The following TMEM266 variants were observed in gnomAD, a reference collection of about 807,000 sequenced individuals.
TMEM266 encodes Hv1 related protein 1.
In TMEM266, 33 loss-of-function variants were observed where a neutral mutation model predicts 50.5. That is an observed-to-expected ratio of 0.65 (90% confidence interval 0.50 to 0.87). The LOEUF (loss-of-function observed/expected upper bound fraction) is 0.87, where lower values mean the gene tolerates loss of function less well. TMEM266 is among the 40% of genes least tolerant of loss of function. The probability of loss-of-function intolerance (pLI) is 0.00; values close to 1 mark genes in which losing one functional copy is unlikely to be tolerated. For missense variants in TMEM266, 655 were observed against 695.1 expected, an observed-to-expected ratio of 0.94 and a Z score of 0.65; for synonymous variants, 310 against 292.3, an observed-to-expected ratio of 1.06 and a Z score of -0.62.
At chr15:76,170,880 T>G in intron 6 of TMEM266, 113 bp from the exon 7 acceptor site, 2 of 1,343,388 alleles carry the variant, frequency 1.5e-6, no homozygotes, top group Non-Finnish European at 2.0e-6. Flanking sequence ...GGCCTTCTGG[T>G]GGGGGCCCGG....
chr15:76,162,915 C>T (rs916081294), intron 5 of TMEM266, among the ~76,000 whole-genome samples: 3 of 152,202 alleles, frequency 2.0e-5, no homozygotes, highest in African/African-American at 7.2e-5. Context: ...GGCGGCACTC[C>T]GAGCCTCCTT....
intron 7 of TMEM266, 95 bp downstream of exon 7, chr15:76,171,226 C>G (rs1226754265): frequency 1.3e-6 from 2 of 1,501,616 alleles, no homozygotes. Context: ...GTACACCCTG[C>G]TGGCGTCAGG....
At chr15:76,116,896 CT>C (rs143849730) in intron 1 of TMEM266, among the ~76,000 whole-genome samples, 20,754 of 131,468 alleles carry the variant, frequency 0.16, 2,624 homozygotes, top group African/African-American at 0.36. Context: ...AGCATATCTT[CT>C]TTTTTTTTTT....
intron 1 of TMEM266, among the ~76,000 whole-genome samples, chr15:76,061,760 C>T (rs895197649): frequency 3.9e-5 from 6 of 152,144 alleles, no homozygotes; most frequent in African/African-American, 1.4e-4. Flanking sequence ...ACCCATAAAA[C>T]GTATATGCAT....
intron 8 of TMEM266, among the ~76,000 whole-genome samples, chr15:76,182,804 T>C (rs981452570): frequency 6.6e-6 from 1 of 152,186 alleles, no homozygotes; most frequent in Non-Finnish European, 1.5e-5. Context: ...AGACTGAGGC[T>C]CAGAGAGGCT....
chr15:76,183,360 C>G (rs1333627276), intron 8 of TMEM266, among the ~76,000 whole-genome samples: 1 of 152,148 alleles, frequency 6.6e-6, no homozygotes, highest in East Asian at 1.9e-4. Context: ...AAGTGATCCA[C>G]CCACCTCGGC....
At chr15:76,122,792 T>C (rs1175067739) in intron 1 of TMEM266, among the ~76,000 whole-genome samples, 1 of 152,180 alleles carries the variant, frequency 6.6e-6, no homozygotes, top group African/African-American at 2.4e-5. Context: ...GGTATTATTT[T>C]CAGCCTAGGC....
rs1469957171 is a variant in TMEM266, at chr15:76,171,138, G to C, written c.652+7G>C. ...GTGAAGAGGGTCATTGATGGTGAGT[G>C]GCCCGAGGGGGGTGTGGTCAGTGGG... On this transcript the variant is annotated splice_region_variant and intron_variant, in intron 7 of 10. Transcript: ENST00000388942. The C allele has an allele frequency of 6.2e-7, 1 of 1,613,196 alleles. No individual in the cohort carries two copies. Among genetic ancestry groups the C allele is most frequent in the Non-Finnish European group, 8.5e-7 (1 of 1,179,458 alleles).
chr15:76,174,124 C>T (rs150444447), intron 7 of TMEM266, among the ~76,000 whole-genome samples: 16 of 152,250 alleles, frequency 1.1e-4, no homozygotes, highest in African/African-American at 3.9e-4. Context: ...TCCGTGCCAA[C>T]TATCACATCC....
rs1567147772 is a variant in TMEM266, at chr15:76,092,435, A to G, written c.-97+32419A>G. Among the ~76,000 whole-genome samples, 4 of 152,070 alleles carry G rather than the reference A, an allele frequency of 2.6e-5. No individual in the cohort carries two copies. In the South Asian group the frequency reaches 6.2e-4, roughly 24 times the overall value. On this transcript the variant is annotated intron_variant, in intron 1 of 10. Coordinates refer to ENST00000388942, the MANE Select transcript of TMEM266 (RefSeq NM_152335.3). ...CTGGGCGTGGTGGCTCATGCCTGTA[A>G]TCACAGCACTTTGGGAGGCCGAGGC...
At chr15:76,062,816 G>A (rs1286242873) in intron 1 of TMEM266, among the ~76,000 whole-genome samples, 2 of 151,936 alleles carry the variant, frequency 1.3e-5, no homozygotes, top group African/African-American at 2.4e-5. Flanking sequence ...ATTTAAACTG[G>A]GAAAGTCATA....
At chr15:76,202,721 A>G (rs1325610411) in intron 10 of TMEM266, among the ~76,000 whole-genome samples, 2 of 152,090 alleles carry the variant, frequency 1.3e-5, no homozygotes, top group Non-Finnish European at 2.9e-5. Flanking sequence ...GTTTTTACTT[A>G]TGGGAAAAAT....
intron 3 of TMEM266, among the ~76,000 whole-genome samples, chr15:76,138,437 T>G (rs904563364): frequency 1.3e-5 from 2 of 152,034 alleles, no homozygotes; most frequent in Non-Finnish European, 2.9e-5. Flanking sequence ...ATCATAAAAT[T>G]TATTTTAGGA....
intron 1 of TMEM266, among the ~76,000 whole-genome samples, chr15:76,115,263 T>A (rs1001513374): frequency 6.6e-6 from 1 of 152,222 alleles, no homozygotes; most frequent in Non-Finnish European, 1.5e-5. Context: ...TGGGAATTCA[T>A]AGGGAACCGT....
At chr15:76,067,443 G>C (rs917435289) in intron 1 of TMEM266, among the ~76,000 whole-genome samples, 1 of 152,012 alleles carries the variant, frequency 6.6e-6, no homozygotes, top group Non-Finnish European at 1.5e-5. Flanking sequence ...AGGAGTTTGA[G>C]ACCAGCCTGG....
chr15:76,172,324 T>G (rs1327157140), intron 7 of TMEM266, among the ~76,000 whole-genome samples: 1 of 152,234 alleles, frequency 6.6e-6, no homozygotes. Context: ...CTGAGGCACC[T>G]CTAAGAAACT....
At chr15:76,185,238 T>G (rs1240082463) in intron 8 of TMEM266, among the ~76,000 whole-genome samples, 1 of 152,228 alleles carries the variant, frequency 6.6e-6, no homozygotes, top group Non-Finnish European at 1.5e-5. Flanking sequence ...CTCTTGGAGC[T>G]CCAGTTGTAC....
intron 10 of TMEM266, 24 bp from the exon 11 acceptor site, chr15:76,203,717 C>T: frequency 6.3e-7 from 1 of 1,597,194 alleles, no homozygotes; most frequent in South Asian, 1.1e-5. Context: ...TGAAGTGTGA[C>T]CAAGATCCCC....
intron 6 of TMEM266, 67 bp downstream of exon 6, chr15:76,169,939 C>A: frequency 6.5e-7 from 1 of 1,528,248 alleles, no homozygotes. Context: ...ACGTCATGTC[C>A]CATCCATTCC....
Sources: allele counts gnomAD v4.1 joint callset (sites outside exome capture counted in the v4.1 genomes callset), GRCh38; gene constraint gnomAD v4.1.1; transcripts MANE v1.5; gene names NCBI Gene and HGNC (gene_info 2026-07-23, HGNC 2026-07-21).